The following FAM135B variants were observed in gnomAD, a reference collection of about 807,000 sequenced individuals.
FAM135B encodes the protein protein FAM135B.
In FAM135B, 43 loss-of-function variants were observed where a neutral mutation model predicts 127.7. The ratio of observed to expected loss-of-function variants is 0.34; its 90% confidence interval spans 0.26 to 0.43. The LOEUF (loss-of-function observed/expected upper bound fraction) is 0.43. Among genes scored for constraint, FAM135B ranks in the 20% least tolerant of loss-of-function variants. The pLI, the probability that FAM135B is intolerant of heterozygous loss-of-function variation, is 1.00. For synonymous variants in FAM135B, 670 were observed against 665.1 expected (o/e 1.01, Z -0.11); for missense variants, 1,558 against 1,725.6 (o/e 0.90, Z 1.72).
At chr8:138,311,658 C>T (rs1383976369) in intron 2 of FAM135B, among the ~76,000 whole-genome samples, 3 of 152,096 alleles carry the variant, frequency 2.0e-5, no homozygotes, top group Non-Finnish European at 2.9e-5. Context: ...GTGAATAAAC[C>T]AAAGTGAAAT....
intron 3 of FAM135B, among the ~76,000 whole-genome samples, chr8:138,307,333 C>G (rs970559366): frequency 1.3e-4 from 20 of 152,132 alleles, no homozygotes; most frequent in East Asian, 7.7e-4. Context: ...GTGAGGTTTC[C>G]CCACCCGTGC....
intron 1 of FAM135B, among the ~76,000 whole-genome samples, chr8:138,458,776 C>T (rs1408942139): frequency 1.3e-5 from 2 of 152,150 alleles, no homozygotes; most frequent in Non-Finnish European, 1.5e-5. Context: ...TAGCCCTTTA[C>T]AAAAAACGTA....
At position 138,334,137 on chromosome 8, in the gene FAM135B, G is replaced by C. The variant is rs963215412; in HGVS notation, c.78-23217C>G. 2.0e-5 allele frequency among the ~76,000 whole-genome samples: 3 copies of C among 152,242 alleles called. No homozygotes were observed. In the East Asian group the frequency reaches 5.8e-4, roughly 30 times the overall value. On this transcript the variant is annotated intron_variant, in intron 2 of 19. Transcript: ENST00000395297. ...GGGGTTTTGCCATGTTTGCCAGGCT[G>C]GTCTCAAACTCCTGACCTCAGGTGA...
chr8:138,300,498 G>T (rs1373489108), intron 3 of FAM135B, among the ~76,000 whole-genome samples: 2 of 152,070 alleles, frequency 1.3e-5, no homozygotes. Context: ...AAGAATCAAA[G>T]TCCTCTGCTG....
At chr8:138,137,357 G>C (rs1816754261) in intron 18 of FAM135B, 97 bp from the exon 19 acceptor site, 2 of 729,482 alleles carry the variant, frequency 2.7e-6, no homozygotes, top group African/African-American at 3.5e-5. Context: ...GTCCTATAGA[G>C]AGAAAAAATG....
chr8:138,226,184 T>TGTGTGTGTGTGTGTGCGCGTGCGCGC, intron 7 of FAM135B, among the ~76,000 whole-genome samples: 1 of 139,202 alleles, frequency 7.2e-6, no homozygotes, highest in Non-Finnish European at 1.5e-5. Context: ...TGTGTGTGTG[T>TGTGTGTGTGTGTGTGCGCGTGCGCGC]GCGCGCATGT....
intron 19 of FAM135B, among the ~76,000 whole-genome samples, chr8:138,136,639 G>C (rs1816689748): frequency 6.6e-6 from 1 of 152,072 alleles, no homozygotes; most frequent in Non-Finnish European, 1.5e-5. Flanking sequence ...ACAAATGCCA[G>C]CCCACATCCA....
At chr8:138,251,625 C>T (rs1328009614) in intron 5 of FAM135B, among the ~76,000 whole-genome samples, 4 of 152,190 alleles carry the variant, frequency 2.6e-5, no homozygotes, top group African/African-American at 9.7e-5. Context: ...ATCAAGGATT[C>T]CCCAATGTCT....
rs747036701 is a variant in FAM135B at position 138,151,237 on chromosome 8, G to A, written c.3238C>T (p.His1080Tyr). Residue 1080 changes from histidine (H) to tyrosine (Y), a missense_variant, in exon 13 of 20, where the codon CAT becomes TAT. Around this residue, in one of 5 missense-constraint regions of FAM135B, gnomAD observed 923 missense variants for 865.3 expected, o/e 1.07. Coordinates refer to ENST00000395297, the MANE Select transcript of FAM135B (RefSeq NM_015912.4). ...ACTTCCTCATCCAACGTGCTGGAAT[G>A]GGTAGAAACAACTCCAAAGGATCCC... Reference protein sequence around the residue: ...PLGSFGVVSTHSSTLDEEVSE... With the variant: ...PLGSFGVVSTYSSTLDEEVSE... 11 of 1,593,762 alleles carry A rather than the reference G, an allele frequency of 6.9e-6. No homozygotes were observed. In the African/African-American group the frequency reaches 1.3e-4, roughly 20 times the overall value.
intron 3 of FAM135B, among the ~76,000 whole-genome samples, chr8:138,278,621 T>C (rs1015546548): frequency 7.5e-6 from 1 of 132,708 alleles, no homozygotes; most frequent in African/African-American, 2.9e-5. Context: ...TGGAGTGCAG[T>C]GGCACCATCT....
Position 138,446,913 on chromosome 8 carries a change from A to G in FAM135B, c.-20+49758T>C, listed in dbSNP as rs568253154. ...ATTTTTGCAATCTACTCATCTGACA[A>G]AGGGCTAATATCCAGAATCTACAGA... On this transcript the variant is annotated intron_variant, in intron 1 of 19. Coordinates refer to ENST00000395297, the MANE Select transcript of FAM135B (RefSeq NM_015912.4). Among the ~76,000 whole-genome samples the G allele has an allele frequency of 7.7e-4, 117 of 152,284 alleles. No individual in the cohort carries two copies. In the South Asian group the frequency reaches 9.6e-3, roughly 12 times the overall value.
At chr8:138,264,174 T>A (rs1171642984) in intron 4 of FAM135B, among the ~76,000 whole-genome samples, 1 of 152,208 alleles carries the variant, frequency 6.6e-6, no homozygotes, top group African/African-American at 2.4e-5. Context: ...CCAGAGCTGA[T>A]ATCTCCCTGA....
At chr8:138,397,095 C>T (rs56273025) in intron 1 of FAM135B, among the ~76,000 whole-genome samples, 8,854 of 152,244 alleles carry the variant, frequency 0.058, 346 homozygotes, top group East Asian at 0.2. Context: ...AGTCCCAGTC[C>T]TGAGCTGCCC....
At chr8:138,255,252 T>C (rs1821988909) in intron 5 of FAM135B, among the ~76,000 whole-genome samples, 1 of 152,118 alleles carries the variant, frequency 6.6e-6, no homozygotes, top group African/African-American at 2.4e-5. Context: ...CTCATCAGCT[T>C]CCCAATTCCC....
At chr8:138,184,312 G>T (rs533399309) in intron 9 of FAM135B, among the ~76,000 whole-genome samples, 1 of 152,352 alleles carries the variant, frequency 6.6e-6, no homozygotes, top group East Asian at 1.9e-4. Context: ...TCCATCCTAA[G>T]CAATCAGGCC....
chr8:138,175,822 G>C (rs1487972409), intron 11 of FAM135B, among the ~76,000 whole-genome samples: 1 of 152,084 alleles, frequency 6.6e-6, no homozygotes, highest in Non-Finnish European at 1.5e-5. Flanking sequence ...TCCTCACTAG[G>C]ATGAGTGACC....
intron 12 of FAM135B, among the ~76,000 whole-genome samples, chr8:138,165,321 T>C (rs1819807084): frequency 6.6e-6 from 1 of 151,932 alleles, no homozygotes. Flanking sequence ...GGTGTCTTCA[T>C]GTTAGTCAGG....
At chr8:138,331,159 G>A (rs182696996) in intron 2 of FAM135B, among the ~76,000 whole-genome samples, 1 of 152,236 alleles carries the variant, frequency 6.6e-6, no homozygotes, top group East Asian at 1.9e-4. Context: ...TAGGTGCTAG[G>A]AAACAATTTC....
intron 11 of FAM135B, among the ~76,000 whole-genome samples, chr8:138,170,409 A>G (rs2130919352): frequency 6.6e-6 from 1 of 151,928 alleles, no homozygotes; most frequent in South Asian, 2.1e-4. Flanking sequence ...TTTAGTAGGG[A>G]CAGGGTTTTT....
Sources: allele counts gnomAD v4.1 joint callset (sites outside exome capture counted in the v4.1 genomes callset), GRCh38; gene constraint gnomAD v4.1.1; regional missense constraint gnomAD v4.1.1; transcripts MANE v1.5; gene names NCBI Gene and HGNC (gene_info 2026-07-23, HGNC 2026-07-21).